Variants in GLT8D2 observed in about 807,000 individuals in gnomAD.
GLT8D2 encodes glycosyltransferase 8 domain containing 2.
A neutral mutation model predicts 44.5 loss-of-function variants in GLT8D2; 45 were observed. That is an observed-to-expected ratio of 1.01 (90% CI 0.80 to 1.30). The LOEUF (loss-of-function observed/expected upper bound fraction) is 1.30, where lower values mean the gene tolerates loss of function less well. Among genes scored for constraint, GLT8D2 ranks in the 50% most tolerant of loss-of-function variants. The probability of loss-of-function intolerance (pLI) is 0.00; values close to 1 mark genes in which losing one functional copy is unlikely to be tolerated. For missense variants in GLT8D2, 400 were observed against 430.4 expected, an observed-to-expected ratio of 0.93 and a Z score of 0.62; for synonymous variants, 156 against 157.2, an observed-to-expected ratio of 0.99 and a Z score of 0.06.
intron 3 of GLT8D2, among the ~76,000 whole-genome samples, chr12:104,018,004 C>G (rs530864261): frequency 6.6e-6 from 1 of 152,086 alleles, no homozygotes; most frequent in Admixed American, 6.5e-5. Flanking sequence ...GGTCTCACCT[C>G]AGTTGCCCTG....
At chr12:103,998,480 G>T (rs1396257510) in intron 6 of GLT8D2, among the ~76,000 whole-genome samples, 2 of 152,024 alleles carry the variant, frequency 1.3e-5, no homozygotes, top group Admixed American at 1.3e-4. Context: ...TGCAATCTTG[G>T]CTCACTGCAA....
chr12:104,009,269 G>T (rs1018193862), intron 4 of GLT8D2, among the ~76,000 whole-genome samples: 4 of 152,222 alleles, frequency 2.6e-5, no homozygotes, highest in Non-Finnish European at 4.4e-5. Flanking sequence ...GGGAACCCAC[G>T]TCTTGCATCA....
intron 1 of GLT8D2, among the ~76,000 whole-genome samples, chr12:104,028,030 AT>A (rs925736173): frequency 3.3e-5 from 5 of 152,002 alleles, no homozygotes; most frequent in Non-Finnish European, 7.4e-5. Context: ...GGAATAGTAA[AT>A]GCTGATTCAT....
intron 1 of GLT8D2, among the ~76,000 whole-genome samples, chr12:104,021,712 C>T (rs1334829447): frequency 6.6e-6 from 1 of 150,892 alleles, no homozygotes; most frequent in Non-Finnish European, 1.5e-5. Context: ...TCACTTGAGC[C>T]CAGGAGGTTG....
chr12:104,041,700 G>A (rs144657857), intron 1 of GLT8D2, among the ~76,000 whole-genome samples: 19 of 152,284 alleles, frequency 1.2e-4, no homozygotes, highest in East Asian at 3.9e-4. Flanking sequence ...CAACCTCTAC[G>A]AATATACCAG....
intron 1 of GLT8D2, among the ~76,000 whole-genome samples, chr12:104,034,751 C>G (rs1300760206): frequency 6.6e-6 from 1 of 152,262 alleles, no homozygotes; most frequent in African/African-American, 2.4e-5. Context: ...CTTCTGCAGA[C>G]TTAAACATCC....
At chr12:104,022,991 C>A (rs949542294) in intron 1 of GLT8D2, among the ~76,000 whole-genome samples, 5 of 152,224 alleles carry the variant, frequency 3.3e-5, no homozygotes, top group African/African-American at 1.2e-4. Flanking sequence ...CCAGCTGCTG[C>A]TTCAGAGCAT....
upstream of GLT8D2, among the ~76,000 whole-genome samples, chr12:104,053,218 T>A (rs1881874357): frequency 6.6e-6 from 1 of 152,192 alleles, no homozygotes; most frequent in African/African-American, 2.4e-5. Flanking sequence ...GAATCTCTCA[T>A]CCACCTAGCA....
intron 10 of GLT8D2, among the ~76,000 whole-genome samples, chr12:103,993,162 C>G (rs1872984551): frequency 6.6e-6 from 1 of 152,158 alleles, no homozygotes; most frequent in Non-Finnish European, 1.5e-5. Context: ...GAAACCCCAT[C>G]TGTACTAAAA....
chr12:104,005,560 C>A (rs763123168), intron 4 of GLT8D2, among the ~76,000 whole-genome samples: 23 of 152,098 alleles, frequency 1.5e-4, no homozygotes, highest in African/African-American at 4.8e-4. Flanking sequence ...ACCCCATCAA[C>A]AAGTGGGAGA....
chr12:104,009,935 A>G (rs1309897591), intron 4 of GLT8D2, among the ~76,000 whole-genome samples: 1 of 152,000 alleles, frequency 6.6e-6, no homozygotes, highest in East Asian at 1.9e-4. Context: ...GTCCAATTAA[A>G]CCTCTTTTTT....
Position 104,003,167 on chromosome 12 carries a change from T to C in GLT8D2, c.252A>G (p.Val84=). ...GAGTCAGAGTATTCCGGAGTCCCAC[T>C]ACATAGAACAAGATGTTGGCGTCAG... ...SNTDANILFY[V]VGLRNTLTRI... is the part of the protein sequence containing the mutation. Residue 84 remains valine, a synonymous_variant, in exon 5 of 11, where the codon GTA becomes GTG. Transcript: ENST00000360814. 6.2e-7 allele frequency: 1 copy of C among 1,614,140 alleles called. No homozygotes were observed. Among genetic ancestry groups the C allele is most frequent in the Non-Finnish European group, 8.5e-7 (1 of 1,179,984 alleles).
rs1409220105 is a variant in GLT8D2 at position 103,993,394 on chromosome 12, A to G, written c.878T>C (p.Leu293Pro). Residue 293 changes from leucine to proline, a missense_variant and splice_region_variant, in exon 10 of 11, where the codon CTG becomes CCG. Coordinates refer to ENST00000360814, the MANE Select transcript of GLT8D2 (RefSeq NM_001384711.1). Reference sequence around the variant, plus strand: ...AACAGTTTTTCTGAAATACTTACCCAGGTGCCTTATGTGCCACAGGGGGTT... The same window carrying G: ...AACAGTTTTTCTGAAATACTTACCCGGGTGCCTTATGTGCCACAGGGGGTT... ...TINPLWHIRH[L>P]GWNPDARYSE... 1.2e-6 allele frequency: 2 copies of G among 1,604,136 alleles called. No homozygotes were observed. Among genetic ancestry groups the G allele is most frequent in the Non-Finnish European group, 8.5e-7 (1 of 1,170,928 alleles).
chr12:103,993,368 A>G (rs1369820995), intron 10 of GLT8D2, 24 bp downstream of exon 10: 1 of 1,549,092 alleles, frequency 6.5e-7, no homozygotes, highest in African/African-American at 1.4e-5. Flanking sequence ...GCGTTTTTCT[A>G]AACAGTTTTT....
intron 3 of GLT8D2, 99 bp from the exon 4 acceptor site, chr12:104,015,204 C>T: frequency 1.2e-6 from 1 of 806,928 alleles, no homozygotes; most frequent in Non-Finnish European, 2.1e-6. Flanking sequence ...TTCCATGACA[C>T]AGAGGAGTGG....
chr12:104,028,720 G>A (rs1300498227), intron 1 of GLT8D2, among the ~76,000 whole-genome samples: 2 of 152,014 alleles, frequency 1.3e-5, no homozygotes, highest in Non-Finnish European at 2.9e-5. Flanking sequence ...ATGTTGTTGG[G>A]GTACAGAAAA....
chr12:104,010,404 T>C (rs1239877039), intron 4 of GLT8D2, among the ~76,000 whole-genome samples: 1 of 152,240 alleles, frequency 6.6e-6, no homozygotes, highest in Non-Finnish European at 1.5e-5. Flanking sequence ...TCATTCCAAA[T>C]GCAGTACTGA....
At chr12:104,020,447 A>G (rs767891850) in intron 2 of GLT8D2, among the ~76,000 whole-genome samples, 11 of 152,140 alleles carry the variant, frequency 7.2e-5, no homozygotes, top group Non-Finnish European at 1.6e-4. Context: ...TTCATTCAGT[A>G]TTTACATATT....
chr12:104,044,751 T>C (rs1206784133), intron 1 of GLT8D2, among the ~76,000 whole-genome samples: 2 of 152,270 alleles, frequency 1.3e-5, no homozygotes, highest in Non-Finnish European at 2.9e-5. Context: ...TCGATAATCA[T>C]ATCAAGTTCA....
Sources: gnomAD v4.1 joint callset for allele counts (sites outside exome capture counted in the v4.1 genomes callset) on GRCh38, gnomAD v4.1.1 for gene constraint, MANE v1.5 for transcripts, NCBI Gene and HGNC (gene_info 2026-07-23, HGNC 2026-07-21) for gene names.